Variants in RSPH10B observed in about 807,000 individuals in gnomAD.
The protein encoded by RSPH10B is radial spoke head 10 homolog B, also known as radial spoke head 10 homolog B (Chlamydomonas).
In RSPH10B, 7 loss-of-function variants were observed where a neutral mutation model predicts 52.5. The observed-to-expected ratio is 0.13, with a 90% CI of 0.08 to 0.25. The LOEUF (loss-of-function observed/expected upper bound fraction) is 0.25, where lower values mean the gene tolerates loss of function less well. Ranked by LOEUF, RSPH10B falls within the 10% of genes least tolerant of loss-of-function variation. The pLI, the probability that RSPH10B is intolerant of heterozygous loss-of-function variation, is 1.00. For synonymous variants in RSPH10B, 28 were observed against 193.2 expected, an observed-to-expected ratio of 0.14 and a Z score of 7.09; for missense variants, 89 against 542.5, an observed-to-expected ratio of 0.16 and a Z score of 8.30.
intron 13 of RSPH10B, 140 bp downstream of exon 15, chr7:5,943,184 G>C (rs1780298512): frequency 1.3e-6 from 2 of 1,509,046 alleles, no homozygotes; most frequent in Non-Finnish European, 1.8e-6. Flanking sequence ...AAGAGACTCA[G>C]TAAACATTTA....
At chr7:5,927,981 G>C in intron 18 of RSPH10B, 1 of 825,332 alleles carries the variant, frequency 1.2e-6, no homozygotes. Context: ...TAGAACAAAA[G>C]ATGCTCCCAT....
chr7:5,944,423 T>G (rs1780383219), intron 11 of RSPH10B, among the ~76,000 whole-genome samples: 1 of 150,428 alleles, frequency 6.6e-6, no homozygotes, highest in East Asian at 1.9e-4. Flanking sequence ...TAAATAAAAG[T>G]TTTTTTAAAA....
intron 17 of RSPH10B, among the ~76,000 whole-genome samples, chr7:5,928,908 G>C (rs1779673005): frequency 1.3e-5 from 2 of 148,840 alleles, no homozygotes; most frequent in Admixed American, 6.7e-5. Flanking sequence ...TTACAGGCAT[G>C]AGCCACTGTG....
chr7:5,940,040 CA>C (rs1197165458), intron 13 of RSPH10B, among the ~76,000 whole-genome samples: 1 of 126,800 alleles, frequency 7.9e-6, no homozygotes, highest in Non-Finnish European at 1.8e-5. Context: ...ACTAAAAATA[CA>C]AAAAAATTAG....
intron 17 of RSPH10B, among the ~76,000 whole-genome samples, chr7:5,928,999 C>T (rs1779678263): frequency 6.8e-6 from 1 of 146,734 alleles, no homozygotes; most frequent in Non-Finnish European, 1.5e-5. Flanking sequence ...AATAAAAAAA[C>T]TCGTTTCTCT....
chr7:5,931,788 G>A (rs1779787670), intron 17 of RSPH10B, among the ~76,000 whole-genome samples: 2 of 151,022 alleles, frequency 1.3e-5, no homozygotes, highest in African/African-American at 4.9e-5. Flanking sequence ...ATCACCTGAG[G>A]TCAGGAGTTT....
chr7:5,928,815 G>A (rs942128682), intron 17 of RSPH10B, among the ~76,000 whole-genome samples: 1 of 150,110 alleles, frequency 6.7e-6, no homozygotes, highest in African/African-American at 2.5e-5. Flanking sequence ...TAGTAGAGAT[G>A]AGGTTTCACC....
chr7:5,957,843 C>T (rs1204060284), intron 6 of RSPH10B, 64 bp downstream of exon 8: 3 of 1,456,480 alleles, frequency 2.1e-6, no homozygotes, highest in African/African-American at 1.6e-5. Context: ...AAGAAATATA[C>T]ATGTGTTGAG....
At chr7:5,954,224 C>T (rs1251720539) in intron 7 of RSPH10B, among the ~76,000 whole-genome samples, 3 of 96,396 alleles carry the variant, frequency 3.1e-5, no homozygotes, top group South Asian at 4.8e-4. Flanking sequence ...CTGCAACCTC[C>T]GCCTCCTGGG....
intron 10 of RSPH10B, among the ~76,000 whole-genome samples, chr7:5,947,719 A>AAAAAC (rs1211393357): frequency 1.2e-5 from 1 of 80,874 alleles, no homozygotes; most frequent in East Asian, 4.5e-4. Context: ...CTGTCTCAAA[A>AAAAAC]AAAACAAAAC....
At chr7:5,957,806 A>G (rs1453080133) in intron 6 of RSPH10B, 101 bp downstream of exon 8, 2 of 1,476,940 alleles carry the variant, frequency 1.4e-6, no homozygotes, top group East Asian at 3.9e-5. Context: ...TCTCAAAACA[A>G]AAACAAAAAC....
Position 5,957,872 on chromosome 7 carries a change from C to T in RSPH10B, c.780+35G>A, listed in dbSNP as rs541662443. 586 of 1,304,790 alleles carry T rather than the reference C, an allele frequency of 4.5e-4. 11 individuals carry two copies. The South Asian group carries it at 8.6e-3, about 19-fold the overall frequency. 80.8% of individuals were successfully genotyped at this position (1,304,790 alleles called of 1,614,324 possible). A position where few individuals can be genotyped will look rare whatever the true frequency, so the allele number is the denominator to read the frequency against. On this transcript the variant is annotated intron_variant, in intron 6 of 18. Coordinates refer to ENST00000337579, the Ensembl canonical transcript of RSPH10B. ...TGTTGAGAATCGGCGGAGCATCCGC[C>T]TCTGGGTATAAGCTGCTACCCCGCC...
In RSPH10B at chr7:5,940,937, A is replaced by AT. The variant is rs1468611552; in HGVS notation, c.1759-2109dup. 6.7e-4 allele frequency among the ~76,000 whole-genome samples: 47 copies of AT among 70,346 alleles called. 2 individuals are homozygous for AT. Among genetic ancestry groups the AT allele is most frequent in the South Asian group, 8.7e-4 (2 of 2,308 alleles). The allele number at this position is 70,346 out of a possible 152,430, so 46.1% of individuals were successfully genotyped here. ...CAAGACTGTCAAAATAATAATAATA[A>AT]TAATAATTATTATTATTATTATTAT... On this transcript the variant is annotated intron_variant, in intron 13 of 18. Coordinates refer to ENST00000337579, the Ensembl canonical transcript of RSPH10B.
Position 5,938,011 on chromosome 7 carries a change from CCACA to C in RSPH10B, c.1867-114_1867-111del, listed in dbSNP as rs71237973. The C allele has an allele frequency of 1.4e-4, 104 of 732,246 alleles. 3 individuals are homozygous for C. The African/African-American group carries it at 1.7e-3, about 12-fold the overall frequency. The allele number at this position is 732,246 out of a possible 1,614,324, so 45.4% of individuals were successfully genotyped here. The stretch of plus-strand genomic sequence containing the variant: ...CTGACATCTGAATATGCACGTTTGC[CCACA>C]CACACACAGACATGCAGACACGTGC... On this transcript the variant is annotated intron_variant, in intron 14 of 18. Coordinates refer to ENST00000337579, the Ensembl canonical transcript of RSPH10B.
At chr7:5,954,124 TG>T (rs1177114907) in intron 7 of RSPH10B, among the ~76,000 whole-genome samples, 1 of 120,202 alleles carries the variant, frequency 8.3e-6, no homozygotes, top group Admixed American at 9.3e-5. Context: ...ATTACAGGCG[TG>T]AGCCATCGTG....
chr7:5,966,666 G>A (rs1457661264), intron 1 of RSPH10B, among the ~76,000 whole-genome samples, 197 bp downstream of exon 3: 2 of 62,568 alleles, frequency 3.2e-5, no homozygotes, highest in African/African-American at 5.8e-5. Context: ...GCATGGTGGC[G>A]GGCACCTGTA....
At chr7:5,927,070 A>ATTGTGTGTGTG (rs1554284566) in intron 18 of RSPH10B, among the ~76,000 whole-genome samples, 2 of 110,690 alleles carry the variant, frequency 1.8e-5, no homozygotes, top group African/African-American at 6.5e-5. Context: ...GTGTGTGTAT[A>ATTGTGTGTGTG]TGTGTGTGTG....
At chr7:5,950,663 CGCCCTTAAGCT>C (rs1422887599) in intron 9 of RSPH10B, among the ~76,000 whole-genome samples, 1 of 125,200 alleles carries the variant, frequency 8.0e-6, no homozygotes, top group African/African-American at 2.9e-5. Context: ...CAGACCTTGA[CGCCCTTAAGCT>C]GCCCCAGATT....
In RSPH10B at chr7:5,944,982, G is replaced by C. The variant is rs527436748; in HGVS notation, c.1529+82C>G. On this transcript the variant is annotated intron_variant, in intron 11 of 18. Coordinates refer to ENST00000337579, the Ensembl canonical transcript of RSPH10B. ...CATCTCCAAAAAAATAAAAATGACT[G>C]CTGAAGAAAAGAGGGCATTATGACA... 1.1e-3 allele frequency: 552 copies of C among 489,944 alleles called. 1 individual carries two copies. Among genetic ancestry groups the C allele is most frequent in the Non-Finnish European group, 1.2e-3 (318 of 262,260 alleles). The allele number at this position is 489,944 out of a possible 1,614,324, so 30.3% of individuals were successfully genotyped here.
Sources: gnomAD v4.1 joint callset for allele counts (sites outside exome capture counted in the v4.1 genomes callset) on GRCh38, gnomAD v4.1.1 for gene constraint, MANE v1.5 for transcripts, NCBI Gene and HGNC (gene_info 2026-07-23, HGNC 2026-07-21) for gene names.